Variants in SLC44A3 observed in about 807,000 individuals in gnomAD.
The protein encoded by SLC44A3 is choline transporter-like protein 3.
Under a neutral mutation model 75.4 loss-of-function variants are expected in SLC44A3, and 74 were observed. The ratio of observed to expected loss-of-function variants is 0.98; its 90% CI spans 0.81 to 1.19. The LOEUF (loss-of-function observed/expected upper bound fraction) is 1.19, where lower values mean the gene tolerates loss of function less well. SLC44A3 is among the 50% of genes most tolerant of loss of function. SLC44A3 has a pLI of 0.00. For synonymous variants in SLC44A3, 310 were observed against 296.9 expected (o/e 1.04, Z -0.45); for missense variants, 700 against 778.6 (o/e 0.90, Z 1.20).
intron 11 of SLC44A3, among the ~76,000 whole-genome samples, chr1:94,866,200 G>A (rs973038767): frequency 5.9e-5 from 9 of 152,114 alleles, no homozygotes; most frequent in East Asian, 1.9e-4. Context: ...GTGTGTGTGC[G>A]CATTGGTAAT....
At chr1:94,888,568 G>C in intron 12 of SLC44A3, 2 of 711,304 alleles carry the variant, frequency 2.8e-6, no homozygotes, top group Non-Finnish European at 3.4e-6. Context: ...GCAACAGCTG[G>C]TTTGAGATTT....
chr1:94,879,229 C>A (rs13376582), intron 12 of SLC44A3, among the ~76,000 whole-genome samples: 7,480 of 151,544 alleles, frequency 0.049, 281 homozygotes, highest in South Asian at 0.11. Flanking sequence ...AAAAAAAACC[C>A]GATTTTAAAA....
In SLC44A3 at chr1:94,820,362, C is replaced by T; in HGVS notation, c.-90C>T. On this transcript the variant is annotated 5_prime_UTR_variant, in exon 1 of 15. Transcript: ENST00000271227. ...CCAGCCCCAGCCCCAGCCCCAGCCC[C>T]GGCCCCGGCCCCGGCTCGCGGGCGC... is the stretch of plus-strand genomic sequence containing the variant. The T allele has an allele frequency of 7.6e-7, 1 of 1,318,100 alleles. No individual in the cohort carries two copies. Among genetic ancestry groups the T allele is most frequent in the Non-Finnish European group, 9.7e-7 (1 of 1,035,052 alleles). The allele number at this position is 1,318,100 out of a possible 1,614,324, so 81.7% of individuals were successfully genotyped here.
intron 9 of SLC44A3, among the ~76,000 whole-genome samples, chr1:94,855,982 T>G (rs1665821173): frequency 1.3e-5 from 2 of 152,190 alleles, no homozygotes; most frequent in Admixed American, 1.3e-4. Context: ...GGATTTGGAT[T>G]TACCAGTGAA....
intron 12 of SLC44A3, among the ~76,000 whole-genome samples, chr1:94,882,368 G>A (rs371899850): frequency 2.0e-5 from 3 of 152,132 alleles, no homozygotes; most frequent in Non-Finnish European, 4.4e-5. Context: ...TAATAGGGAC[G>A]AGCCCATCTA....
Position 94,828,598 on chromosome 1 carries a change from CA to C in SLC44A3, c.509+13del. On this transcript the variant is annotated intron_variant, in intron 5 of 14. Coordinates refer to ENST00000271227, the MANE Select transcript of SLC44A3 (RefSeq NM_001114106.3). ...CCAGTTCCTCCAAGGTAAAAGCTTC[CA>C]TACTTTTTCCTTAACTCTAAACAAA... 1 of 1,611,982 alleles carries C rather than the reference CA, an allele frequency of 6.2e-7. No individual in the cohort carries two copies. Among genetic ancestry groups the C allele is most frequent in the Non-Finnish European group, 8.5e-7 (1 of 1,178,444 alleles).
rs1667297973 is a variant in SLC44A3, at chr1:94,867,472, C to A, written c.1482+55C>A. Reference sequence around the variant, plus strand: ...CACAGAAGGGTCCAAAGGTGGGCTTCATCTCTTAGGTCAAGGTTTGGCAAA... The same window carrying A: ...CACAGAAGGGTCCAAAGGTGGGCTTAATCTCTTAGGTCAAGGTTTGGCAAA... On this transcript the variant is annotated intron_variant, in intron 12 of 14. Transcript: ENST00000271227. The A allele has an allele frequency of 2.1e-6, 3 of 1,450,004 alleles. No homozygotes were observed. The African/African-American group carries it at 4.3e-5, about 21-fold the overall frequency. 89.8% of individuals were successfully genotyped at this position (1,450,004 alleles called of 1,614,324 possible).
chr1:94,840,339 G>T (rs12059919), intron 7 of SLC44A3, among the ~76,000 whole-genome samples: 2,456 of 134,366 alleles, frequency 0.018, 63 homozygotes, highest in African/African-American at 0.062. Context: ...GCCCAGGCTG[G>T]AGTGCAATGG....
At chr1:94,869,171 C>T (rs28661447) in intron 12 of SLC44A3, among the ~76,000 whole-genome samples, 8,723 of 152,340 alleles carry the variant, frequency 0.057, 397 homozygotes, top group African/African-American at 0.12. Context: ...TCCTGAGATA[C>T]GTATTTTCCT....
intron 10 of SLC44A3, among the ~76,000 whole-genome samples, chr1:94,861,188 C>A (rs2101353936): frequency 6.6e-6 from 1 of 152,244 alleles, no homozygotes; most frequent in East Asian, 1.9e-4. Context: ...GAATAACAAA[C>A]ACTAAGCATT....
At chr1:94,841,669 C>T (rs1470076545) in intron 7 of SLC44A3, among the ~76,000 whole-genome samples, 2 of 152,164 alleles carry the variant, frequency 1.3e-5, no homozygotes, top group Non-Finnish European at 2.9e-5. Context: ...CTGGCATTGT[C>T]CCTCTCACCA....
chr1:94,876,771 C>T (rs920113146), intron 12 of SLC44A3, among the ~76,000 whole-genome samples: 7 of 152,180 alleles, frequency 4.6e-5, no homozygotes, highest in African/African-American at 1.7e-4. Context: ...GTCTCTCAAC[C>T]TGATTTCTAA....
chr1:94,859,980 A>G (rs972784394), intron 10 of SLC44A3, among the ~76,000 whole-genome samples: 1 of 152,196 alleles, frequency 6.6e-6, no homozygotes, highest in Non-Finnish European at 1.5e-5. Context: ...ATCAGACAAC[A>G]AGCAACATGC....
chr1:94,884,806 TA>T (rs372042871), intron 12 of SLC44A3, among the ~76,000 whole-genome samples: 2,003 of 151,956 alleles, frequency 0.013, 28 homozygotes, highest in Middle Eastern at 0.02. Context: ...ATTTCAGGAG[TA>T]AAAAAACGCT....
chr1:94,824,673 G>A (rs2100915205), intron 3 of SLC44A3, 38 bp downstream of exon 3: 1 of 1,501,156 alleles, frequency 6.7e-7, no homozygotes, highest in Non-Finnish European at 8.9e-7. Context: ...GTAAGGAACT[G>A]TACCTCAAAA....
At chr1:94,881,028 A>AC (rs1668905452) in intron 12 of SLC44A3, among the ~76,000 whole-genome samples, 1 of 151,992 alleles carries the variant, frequency 6.6e-6, no homozygotes, top group South Asian at 2.1e-4. Flanking sequence ...ATGTCGTAAG[A>AC]CCCCGTCTCA....
chr1:94,844,257 A>G (rs940273122), intron 8 of SLC44A3, among the ~76,000 whole-genome samples: 2 of 152,260 alleles, frequency 1.3e-5, no homozygotes, highest in African/African-American at 2.4e-5. Flanking sequence ...TACAGGGGGA[A>G]GAGGAGGTTC....
intron 10 of SLC44A3, 79 bp from the exon 11 acceptor site, chr1:94,864,664 C>T: frequency 2.0e-6 from 3 of 1,471,374 alleles, no homozygotes; most frequent in Non-Finnish European, 2.8e-6. Flanking sequence ...TTGTTAGTAC[C>T]ACAGATGATT....
chr1:94,849,028 G>A (rs561957291), intron 9 of SLC44A3, among the ~76,000 whole-genome samples: 1 of 152,222 alleles, frequency 6.6e-6, no homozygotes, highest in East Asian at 1.9e-4. Flanking sequence ...AGGCTGACTT[G>A]GGCATGAACT....
Sources: gnomAD v4.1 joint callset for allele counts (sites outside exome capture counted in the v4.1 genomes callset) on GRCh38, gnomAD v4.1.1 for gene constraint, MANE v1.5 for transcripts, NCBI Gene and HGNC (gene_info 2026-07-23, HGNC 2026-07-21) for gene names.